The following MOB3B variants were observed in gnomAD, a reference collection of about 807,000 sequenced individuals.
MOB3B encodes MOB kinase activator 3B, also known as MOB kinase activator-like 2B.
MOB3B carries 7 observed loss-of-function variants against 18.7 expected under a neutral mutation model. That is an observed-to-expected ratio of 0.37 (90% CI 0.21 to 0.70). The LOEUF (loss-of-function observed/expected upper bound fraction) is 0.70. MOB3B is among the 30% of genes least tolerant of loss of function. The pLI is 0.52. For missense variants in MOB3B, 253 were observed against 281.3 expected, an observed-to-expected ratio of 0.90 and a Z score of 0.72; for synonymous variants, 111 against 99.9, an observed-to-expected ratio of 1.11 and a Z score of -0.66.
chr9:27,493,003 T>A (rs1819843704), intron 1 of MOB3B, among the ~76,000 whole-genome samples: 1 of 152,222 alleles, frequency 6.6e-6, no homozygotes, highest in Non-Finnish European at 1.5e-5. Context: ...TATACTAAGC[T>A]ACTTAGCAGC....
At chr9:27,399,469 GC>G (rs988489418) in intron 2 of MOB3B, among the ~76,000 whole-genome samples, 2 of 152,184 alleles carry the variant, frequency 1.3e-5, no homozygotes, top group Admixed American at 1.3e-4. Flanking sequence ...CCACCTGGTT[GC>G]CCTGTTAGGG....
intron 2 of MOB3B, among the ~76,000 whole-genome samples, chr9:27,410,807 T>C (rs1297048514): frequency 6.6e-6 from 1 of 152,178 alleles, no homozygotes; most frequent in Admixed American, 6.5e-5. Context: ...ATCTGGAAAA[T>C]GAGAAGGAAT....
At chr9:27,378,381 T>G (rs1025513254) in intron 2 of MOB3B, 2 of 471,632 alleles carry the variant, frequency 4.2e-6, no homozygotes, top group Non-Finnish European at 8.8e-6. Flanking sequence ...CAGGCTCTGA[T>G]GTCAGCTCTG....
chr9:27,517,647 CAAAAAA>C lies in MOB3B; in HGVS notation c.-199+11902_-199+11907del, dbSNP rs756559270. 3.3e-3 allele frequency among the ~76,000 whole-genome samples: 178 copies of C among 54,260 alleles called. 1 individual carries two copies. Among genetic ancestry groups the C allele is most frequent in the African/African-American group, 0.014 (172 of 12,224 alleles). 35.6% of individuals were successfully genotyped at this position (54,260 alleles called of 152,430 possible). A position where few individuals can be genotyped will look rare whatever the true frequency, so the allele number is the denominator to read the frequency against. On this transcript the variant is annotated intron_variant, in intron 1 of 3. Coordinates refer to ENST00000262244, the MANE Select transcript of MOB3B (RefSeq NM_024761.5). Reference sequence around the variant, plus strand: ...TGGCCGACAGAGCGAGACTCTGTCTCAAAAAAAAAAAAAAAAAAAAAAAAAGAGGTA... The same window carrying C: ...TGGCCGACAGAGCGAGACTCTGTCTCAAAAAAAAAAAAAAAAAAAGAGGTA...
chr9:27,410,478 A>C (rs1822050072), intron 2 of MOB3B, among the ~76,000 whole-genome samples: 1 of 150,890 alleles, frequency 6.6e-6, no homozygotes, highest in African/African-American at 2.4e-5. Flanking sequence ...TGCCTAGAAA[A>C]GATTTTTTTT....
chr9:27,396,350 C>G (rs550509118), intron 2 of MOB3B, among the ~76,000 whole-genome samples: 1 of 152,268 alleles, frequency 6.6e-6, no homozygotes, highest in South Asian at 2.1e-4. Flanking sequence ...CTCCCTCAGT[C>G]ACTGGGGCTC....
chr9:27,434,426 A>G (rs1563867701), intron 2 of MOB3B, among the ~76,000 whole-genome samples: 2 of 151,660 alleles, frequency 1.3e-5, no homozygotes, highest in South Asian at 4.2e-4. Context: ...TGTGCCTCAA[A>G]GCTCTGTCCT....
chr9:27,341,986 G>C (rs1214933013), intron 3 of MOB3B, among the ~76,000 whole-genome samples: 1 of 151,952 alleles, frequency 6.6e-6, no homozygotes, highest in African/African-American at 2.4e-5. Context: ...GTTGAAAAAA[G>C]AAAGAATATT....
intron 2 of MOB3B, among the ~76,000 whole-genome samples, chr9:27,399,593 G>T (rs1170187904): frequency 6.6e-6 from 1 of 152,108 alleles, no homozygotes; most frequent in Non-Finnish European, 1.5e-5. Context: ...CACTGATGGG[G>T]TCTGGAGACC....
intron 1 of MOB3B, among the ~76,000 whole-genome samples, chr9:27,473,137 G>A (rs1021151887): frequency 1.3e-5 from 2 of 152,152 alleles, no homozygotes; most frequent in African/African-American, 4.8e-5. Flanking sequence ...TGACAGACAA[G>A]GGTAGTATGG....
intron 2 of MOB3B, among the ~76,000 whole-genome samples, chr9:27,371,920 T>C (rs1434274818): frequency 2.0e-5 from 3 of 152,206 alleles, no homozygotes; most frequent in African/African-American, 7.2e-5. Context: ...GTTTTATTTA[T>C]TAACATTATT....
At chr9:27,514,811 C>T (rs926290852) in intron 1 of MOB3B, among the ~76,000 whole-genome samples, 1 of 152,204 alleles carries the variant, frequency 6.6e-6, no homozygotes, top group African/African-American at 2.4e-5. Context: ...CAAGGAACTG[C>T]ATGCCTGTTG....
chr9:27,366,751 G>A (rs1821348202), intron 2 of MOB3B, among the ~76,000 whole-genome samples: 1 of 152,152 alleles, frequency 6.6e-6, no homozygotes. Context: ...GGTCTGAAGA[G>A]TAAGAACCAA....
Position 27,384,691 on chromosome 9 carries a change from C to G in MOB3B, c.419-25455G>C, listed in dbSNP as rs1821625947. ...CAGCAATGCTCTTTCCCCAATGGCT[C>G]CCTCCAGTATTTCCCTGGCATGGCT... is the stretch of plus-strand genomic sequence containing the variant. On this transcript the variant is annotated intron_variant, in intron 2 of 3. Coordinates refer to ENST00000262244, the MANE Select transcript of MOB3B (RefSeq NM_024761.5). 2.0e-5 allele frequency among the ~76,000 whole-genome samples: 3 copies of G among 152,212 alleles called. No homozygotes were observed. The South Asian group carries it at 6.2e-4, about 32-fold the overall frequency.
intron 3 of MOB3B, among the ~76,000 whole-genome samples, chr9:27,357,986 G>A (rs1821218957): frequency 6.6e-6 from 1 of 151,218 alleles, no homozygotes; most frequent in Admixed American, 6.6e-5. Flanking sequence ...CTTGAACCTA[G>A]GAGTTGAAGG....
At chr9:27,449,387 T>TA (rs1822747084) in intron 2 of MOB3B, among the ~76,000 whole-genome samples, 1 of 152,198 alleles carries the variant, frequency 6.6e-6, no homozygotes, top group African/African-American at 2.4e-5. Flanking sequence ...CAGCAACTCT[T>TA]ATGTCTCAGG....
At chr9:27,419,345 C>G (rs560602750) in intron 2 of MOB3B, among the ~76,000 whole-genome samples, 1 of 152,164 alleles carries the variant, frequency 6.6e-6, no homozygotes, top group Non-Finnish European at 1.5e-5. Context: ...GCTCACATAG[C>G]CAGGGCAAGA....
intron 2 of MOB3B, among the ~76,000 whole-genome samples, chr9:27,415,779 C>A (rs1434269285): frequency 6.6e-6 from 1 of 152,104 alleles, no homozygotes; most frequent in African/African-American, 2.4e-5. Flanking sequence ...TGGGGATGAC[C>A]AAGCAGATGT....
At chr9:27,473,382 C>G (rs1198113078) in intron 1 of MOB3B, among the ~76,000 whole-genome samples, 5 of 152,056 alleles carry the variant, frequency 3.3e-5, no homozygotes, top group Non-Finnish European at 7.4e-5. Flanking sequence ...GTTTGGAGAG[C>G]CACGCTCCTA....
Sources: allele counts gnomAD v4.1 joint callset (sites outside exome capture counted in the v4.1 genomes callset), GRCh38; gene constraint gnomAD v4.1.1; transcripts MANE v1.5; gene names NCBI Gene and HGNC (gene_info 2026-07-23, HGNC 2026-07-21).